Variants in RNF220 observed in about 807,000 individuals in gnomAD.
RNF220 encodes the protein E3 ubiquitin-protein ligase RNF220.
In RNF220, 7 loss-of-function variants were observed where a neutral mutation model predicts 67.1. The ratio of observed to expected loss-of-function variants is 0.10; its 90% CI spans 0.06 to 0.20. The LOEUF (loss-of-function observed/expected upper bound fraction) is 0.20. Ranked by LOEUF, RNF220 falls within the 10% of genes least tolerant of loss-of-function variation. The probability of loss-of-function intolerance (pLI) is 1.00; values close to 1 mark genes in which losing one functional copy is unlikely to be tolerated. For missense variants in RNF220, 565 were observed against 740.3 expected (o/e 0.76, Z 2.75); for synonymous variants, 270 against 283.2 (o/e 0.95, Z 0.47).
intron 2 of RNF220, among the ~76,000 whole-genome samples, chr1:44,448,133 T>C (rs1652292534): frequency 2.0e-5 from 3 of 152,110 alleles, no homozygotes; most frequent in Admixed American, 2.0e-4. Flanking sequence ...ACTCTGTCTC[T>C]ACTAAAAATA....
intron 2 of RNF220, among the ~76,000 whole-genome samples, chr1:44,500,914 G>A (rs1259319044): frequency 6.6e-6 from 1 of 152,230 alleles, no homozygotes; most frequent in Non-Finnish European, 1.5e-5. Context: ...CAGGGGCGAA[G>A]CACCCTTCGG....
At chr1:44,530,683 C>T (rs577158765) in intron 2 of RNF220, among the ~76,000 whole-genome samples, 1 of 152,214 alleles carries the variant, frequency 6.6e-6, no homozygotes, top group South Asian at 2.1e-4. Context: ...AGTGAAAGAA[C>T]TGGTCACGCA....
At chr1:44,424,748 C>T (rs373739882) in intron 2 of RNF220, among the ~76,000 whole-genome samples, 2 of 152,188 alleles carry the variant, frequency 1.3e-5, no homozygotes, top group East Asian at 3.9e-4. Context: ...TATTGCTGAT[C>T]AAGTGACTGT....
At position 44,412,189 on chromosome 1, in the gene RNF220, C is replaced by T. The variant is rs1263863945; in HGVS notation, c.92C>T (p.Thr31Met). ...ASPALMVLAS[T>M]AEASRDASIP... ...CCAGCACTGATGGTCCTGGCATCCA[C>T]GGCTGAGGCCAGCCGTGATGCTTCC... The change falls in exon 2 of 15, where the codon ACG becomes ATG. Residue 31 changes from threonine to methionine, a missense_variant. Coordinates refer to ENST00000361799, the MANE Select transcript of RNF220 (RefSeq NM_018150.4). The surrounding 1 kb of genome is among the most constrained non-coding windows in gnomAD (Gnocchi z 5.3). 3.7e-6 allele frequency: 6 copies of T among 1,614,236 alleles called. No individual in the cohort carries two copies. The highest frequency in any genetic ancestry group is 1.7e-5 in the Admixed American group (1 of 60,028).
Position 44,412,386 on chromosome 1 carries a change from C to A in RNF220, c.289C>A (p.Pro97Thr), listed in dbSNP as rs1281115858. Residue 97 changes from proline (P) to threonine (T), a missense_variant, in exon 2 of 15, where the codon CCT becomes ACT. Physicochemically the swap from Pro to Thr is conservative, Grantham distance 38. Coordinates refer to ENST00000361799, the MANE Select transcript of RNF220 (RefSeq NM_018150.4). The surrounding 1 kb of genome is among the most constrained non-coding windows in gnomAD (Gnocchi z 5.3). The stretch of plus-strand genomic sequence containing the variant: ...CCCCCCTTCTCTACTACACCTCCAC[C>A]CTCAATTTGCTCCCCCAAATCTAGA... ...DFPPSLLHLH[P>T]QFAPPNLDCT... 1.2e-6 allele frequency: 2 copies of A among 1,613,830 alleles called. No individual in the cohort carries two copies. The highest frequency in any genetic ancestry group is 1.3e-5 in the African/African-American group (1 of 75,036).
At chr1:44,570,003 C>G (rs1304055011) in intron 2 of RNF220, among the ~76,000 whole-genome samples, 2 of 152,170 alleles carry the variant, frequency 1.3e-5, no homozygotes, top group African/African-American at 4.8e-5. Context: ...ATGAAGGCCC[C>G]TAGAGACAGG....
chr1:44,413,431 C>G (rs915854710), intron 2 of RNF220, among the ~76,000 whole-genome samples: 4 of 152,334 alleles, frequency 2.6e-5, no homozygotes, highest in Non-Finnish European at 1.5e-5. Context: ...TTATTAATTT[C>G]TGCTTATGAA....
At chr1:44,444,588 G>A (rs1462674859) in intron 2 of RNF220, among the ~76,000 whole-genome samples, 1 of 150,048 alleles carries the variant, frequency 6.7e-6, no homozygotes, top group Non-Finnish European at 1.5e-5. Flanking sequence ...CTACAGCCAC[G>A]CACCACCACG....
intron 2 of RNF220, among the ~76,000 whole-genome samples, chr1:44,489,894 C>T (rs1439560878): frequency 6.6e-6 from 1 of 152,210 alleles, no homozygotes; most frequent in Non-Finnish European, 1.5e-5. Context: ...CAAGCTGTTT[C>T]TACCACCTGG....
At position 44,557,608 on chromosome 1, in the gene RNF220, G is replaced by A. The variant is rs977580792; in HGVS notation, c.626-56557G>A. On this transcript the variant is annotated intron_variant, in intron 2 of 14. Coordinates refer to ENST00000361799, the MANE Select transcript of RNF220 (RefSeq NM_018150.4). ...TCACTGAACAAACTGATTAAGGGATGTACATGACTGTGTCTCATAAATTTG... is the reference window on the plus strand; with the variant it reads ...TCACTGAACAAACTGATTAAGGGATATACATGACTGTGTCTCATAAATTTG... Among the ~76,000 whole-genome samples the A allele has an allele frequency of 4.1e-4, 62 of 152,152 alleles. 1 individual carries two copies. The highest frequency in any genetic ancestry group is 2.1e-4 in the South Asian group (1 of 4,836).
At chr1:44,514,034 A>G (rs1659255992) in intron 2 of RNF220, among the ~76,000 whole-genome samples, 2 of 152,232 alleles carry the variant, frequency 1.3e-5, no homozygotes, top group South Asian at 2.1e-4. Context: ...CCTTGTTTGG[A>G]TTCAATATAT....
intron 2 of RNF220, among the ~76,000 whole-genome samples, chr1:44,494,603 A>T (rs1305704135): frequency 6.6e-6 from 1 of 152,134 alleles, no homozygotes; most frequent in African/African-American, 2.4e-5. Context: ...AAAAAGAAAA[A>T]AAAAAGATAC....
At chr1:44,459,469 G>A (rs1166956251) in intron 2 of RNF220, among the ~76,000 whole-genome samples, 1 of 142,244 alleles carries the variant, frequency 7.0e-6, no homozygotes, top group Non-Finnish European at 1.5e-5. Context: ...CCCCAAAACT[G>A]GTATACTGCA....
At chr1:44,562,465 G>C (rs557713284) in intron 2 of RNF220, among the ~76,000 whole-genome samples, 1 of 152,180 alleles carries the variant, frequency 6.6e-6, no homozygotes, top group Non-Finnish European at 1.5e-5. Flanking sequence ...CTTTGGAGGT[G>C]ATTAGTAATA....
At chr1:44,485,432 T>C (rs988293873) in intron 2 of RNF220, among the ~76,000 whole-genome samples, 3 of 152,086 alleles carry the variant, frequency 2.0e-5, no homozygotes, top group Admixed American at 2.0e-4. Context: ...CTGCTCAGGG[T>C]TCTGGTTAAG....
chr1:44,646,771 A>G (rs1490978595), intron 12 of RNF220, among the ~76,000 whole-genome samples: 1 of 152,214 alleles, frequency 6.6e-6, no homozygotes, highest in Non-Finnish European at 1.5e-5. Flanking sequence ...AGGGATCTCT[A>G]TGATGAGGTG....
intron 7 of RNF220, 32 bp downstream of exon 7, chr1:44,635,620 G>A: frequency 6.2e-7 from 1 of 1,614,184 alleles, no homozygotes; most frequent in South Asian, 1.1e-5. Context: ...CCCCTGGCAG[G>A]ATCGGAGCAG....
At chr1:44,558,989 A>T (rs1015062568) in intron 2 of RNF220, among the ~76,000 whole-genome samples, 1 of 152,202 alleles carries the variant, frequency 6.6e-6, no homozygotes, top group African/African-American at 2.4e-5. Flanking sequence ...TGTTTGTGTA[A>T]TGTGTTCCTT....
intron 2 of RNF220, among the ~76,000 whole-genome samples, chr1:44,551,938 G>A (rs1662669055): frequency 6.6e-6 from 1 of 152,114 alleles, no homozygotes; most frequent in Non-Finnish European, 1.5e-5. Flanking sequence ...CTCCTTATGG[G>A]GCATGGTTGG....
Sources: gnomAD v4.1 joint callset for allele counts (sites outside exome capture counted in the v4.1 genomes callset) on GRCh38, gnomAD v4.1.1 for gene constraint, Gnocchi (gnomAD v3.1) non-coding constraint, MANE v1.5 for transcripts, NCBI Gene and HGNC (gene_info 2026-07-23, HGNC 2026-07-21) for gene names.